SLC22A15: variants seen among roughly 807,000 people sequenced by gnomAD.
SLC22A15 encodes the protein flipt 1.
In SLC22A15, 45 loss-of-function variants were observed where a neutral mutation model predicts 62.7. That is an observed-to-expected ratio of 0.72 (90% CI 0.56 to 0.92). The LOEUF is 0.92. Among genes scored for constraint, SLC22A15 ranks in the 40% least tolerant of loss-of-function variants. SLC22A15 has a pLI of 0.00. For synonymous variants in SLC22A15, 264 were observed against 267.0 expected (o/e 0.99, Z 0.11); for missense variants, 622 against 665.6 (o/e 0.93, Z 0.72).
chr1:116,033,313 G>A (rs958642680), intron 6 of SLC22A15, among the ~76,000 whole-genome samples: 1 of 152,082 alleles, frequency 6.6e-6, no homozygotes, highest in Admixed American at 6.5e-5. Context: ...TTGTTTGGGG[G>A]ACATAAAGAG....
intron 2 of SLC22A15, among the ~76,000 whole-genome samples, chr1:116,000,499 T>G (rs562353997): frequency 5.3e-5 from 8 of 152,276 alleles, no homozygotes; most frequent in Non-Finnish European, 7.4e-5. Flanking sequence ...GTTCGTCTCT[T>G]AGTCTTCCTA....
intron 8 of SLC22A15, among the ~76,000 whole-genome samples, chr1:116,059,179 G>T (rs980301285): frequency 6.6e-6 from 1 of 152,158 alleles, no homozygotes; most frequent in Admixed American, 6.6e-5. Context: ...AAATTACAGA[G>T]ACCGCAAGTG....
rs188801305 is a variant in SLC22A15, at chr1:116,009,859, G to A, written c.301-9723G>A. The stretch of plus-strand genomic sequence containing the variant: ...AACAAATATGAAGCCCTGTTGACCC[G>A]TCACATAAAATTTTGGAAGATAAAT... On this transcript the variant is annotated intron_variant, in intron 2 of 11. Transcript: ENST00000369503. 3.3e-5 allele frequency among the ~76,000 whole-genome samples: 5 copies of A among 152,150 alleles called. No homozygotes were observed. The East Asian group carries it at 5.8e-4, about 18-fold the overall frequency.
At position 115,978,905 on chromosome 1, in the gene SLC22A15, T is replaced by C. The variant is rs368554583; in HGVS notation, c.87+2191T>C. On this transcript the variant is annotated intron_variant, in intron 1 of 11. Transcript: ENST00000369503. ...AAAGGGGGTTTTTCTGCTTTTAAAA[T>C]CAAAGGAGTTTTCGTACCATTGCCC... Among the ~76,000 whole-genome samples the C allele has an allele frequency of 3.9e-4, 59 of 152,212 alleles. No homozygotes were observed. In the Middle Eastern group the frequency reaches 0.014, roughly 35 times the overall value.
intron 1 of SLC22A15, among the ~76,000 whole-genome samples, chr1:115,982,744 C>T (rs916715102): frequency 6.6e-6 from 1 of 152,170 alleles, no homozygotes; most frequent in African/African-American, 2.4e-5. Context: ...TGCTTTTTGT[C>T]CCAACTTCAT....
chr1:116,060,034 G>A (rs911225), intron 8 of SLC22A15, among the ~76,000 whole-genome samples: 10,897 of 151,796 alleles, frequency 0.072, 429 homozygotes, highest in South Asian at 0.11. Flanking sequence ...CTTTTTTCTC[G>A]ACCATCACTT....
At chr1:116,033,244 TTAAA>T (rs1172108455) in intron 6 of SLC22A15, among the ~76,000 whole-genome samples, 1 of 152,258 alleles carries the variant, frequency 6.6e-6, no homozygotes, top group Non-Finnish European at 1.5e-5. Flanking sequence ...TAGTGCCTTT[TTAAA>T]TAATTATTTG....
chr1:116,048,034 G>A (rs1657971189), intron 8 of SLC22A15, among the ~76,000 whole-genome samples: 1 of 151,940 alleles, frequency 6.6e-6, no homozygotes, highest in Admixed American at 6.5e-5. Context: ...CAAAGACAAA[G>A]AAAAAAGAAT....
At chr1:116,052,520 C>T (rs1024896962) in intron 8 of SLC22A15, among the ~76,000 whole-genome samples, 1 of 152,218 alleles carries the variant, frequency 6.6e-6, no homozygotes, top group Non-Finnish European at 1.5e-5. Flanking sequence ...TTAAATGTCC[C>T]TGTCATTTTG....
At chr1:115,979,987 T>TTAAG (rs1447651330) in intron 1 of SLC22A15, among the ~76,000 whole-genome samples, 9 of 150,162 alleles carry the variant, frequency 6.0e-5, no homozygotes, top group Non-Finnish European at 1.2e-4. Flanking sequence ...TATATATATA[T>TTAAG]TAAGTATATA....
intron 8 of SLC22A15, among the ~76,000 whole-genome samples, chr1:116,049,061 C>A (rs906341256): frequency 2.0e-5 from 3 of 152,132 alleles, no homozygotes; most frequent in African/African-American, 7.2e-5. Context: ...CAATCCTAAA[C>A]ACATATGCAC....
chr1:115,982,502 A>T (rs1654658435), intron 1 of SLC22A15, among the ~76,000 whole-genome samples: 1 of 152,100 alleles, frequency 6.6e-6, no homozygotes. Flanking sequence ...ACAACTACAT[A>T]TTTTTTAGTG....
At chr1:116,003,328 C>T (rs1006869824) in intron 2 of SLC22A15, among the ~76,000 whole-genome samples, 1 of 152,210 alleles carries the variant, frequency 6.6e-6, no homozygotes, top group Non-Finnish European at 1.5e-5. Flanking sequence ...CCCTTGGCTA[C>T]CCAAGCTGGT....
At chr1:116,008,766 G>A (rs1233705694) in intron 2 of SLC22A15, among the ~76,000 whole-genome samples, 1 of 152,206 alleles carries the variant, frequency 6.6e-6, no homozygotes, top group African/African-American at 2.4e-5. Flanking sequence ...CAGAGTAGCT[G>A]GGTGACCTCC....
At chr1:116,015,651 C>G (rs1019052952) in intron 2 of SLC22A15, among the ~76,000 whole-genome samples, 1 of 152,162 alleles carries the variant, frequency 6.6e-6, no homozygotes, top group Non-Finnish European at 1.5e-5. Flanking sequence ...AGATCAGTAT[C>G]TTGGCCGTGT....
At chr1:116,042,467 TA>T (rs1657813911) in intron 8 of SLC22A15, among the ~76,000 whole-genome samples, 2 of 152,074 alleles carry the variant, frequency 1.3e-5, no homozygotes, top group South Asian at 2.1e-4. Context: ...AAAAATTGAA[TA>T]AAAAACTAAC....
At chr1:116,062,741 C>T in intron 8 of SLC22A15, 21 bp from the exon 9 acceptor site, 1 of 1,613,512 alleles carries the variant, frequency 6.2e-7, no homozygotes, top group Non-Finnish European at 8.5e-7. Flanking sequence ...GTCTCACAGG[C>T]ATTGCCCTTG....
intron 2 of SLC22A15, among the ~76,000 whole-genome samples, chr1:116,012,001 G>A (rs769836815): frequency 2.0e-5 from 3 of 152,122 alleles, no homozygotes; most frequent in Non-Finnish European, 2.9e-5. Flanking sequence ...AAACAGGGAG[G>A]GCAAGAAAGG....
At chr1:115,998,243 C>CT (rs941894779) in intron 2 of SLC22A15, among the ~76,000 whole-genome samples, 3 of 151,650 alleles carry the variant, frequency 2.0e-5, no homozygotes, top group Admixed American at 6.6e-5. Flanking sequence ...TCTAGGTTTT[C>CT]TTTTTTTTGG....
Sources: allele counts gnomAD v4.1 joint callset (sites outside exome capture counted in the v4.1 genomes callset), GRCh38; gene constraint gnomAD v4.1.1; transcripts MANE v1.5; gene names NCBI Gene and HGNC (gene_info 2026-07-23, HGNC 2026-07-21).